The following PPFIA2 variants were observed in gnomAD, a reference collection of about 807,000 sequenced individuals.
The protein encoded by PPFIA2 is PPFI scaffold protein A2.
In PPFIA2, 46 loss-of-function variants were observed where a neutral mutation model predicts 175.5. The observed-to-expected ratio is 0.26, with a 90% confidence interval of 0.21 to 0.34. PPFIA2 has a LOEUF of 0.34. PPFIA2 is among the 10% of genes least tolerant of loss of function. PPFIA2 has a pLI of 1.00. For missense variants in PPFIA2, 1,179 were observed against 1,506.1 expected (o/e 0.78, Z 3.60); for synonymous variants, 568 against 511.4 (o/e 1.11, Z -1.49).
intron 4 of PPFIA2, among the ~76,000 whole-genome samples, chr12:81,551,732 T>A (rs966140757): frequency 1.2e-4 from 18 of 151,946 alleles, no homozygotes; most frequent in Admixed American, 9.9e-4. Flanking sequence ...AACTGTTATT[T>A]TAGAAGTGAT....
chr12:81,495,033 T>C (rs955066368), intron 4 of PPFIA2, among the ~76,000 whole-genome samples: 3 of 151,778 alleles, frequency 2.0e-5, no homozygotes, highest in African/African-American at 7.2e-5. Flanking sequence ...GCATGGCACA[T>C]GTATACATAT....
chr12:81,497,574 T>C (rs1449513406), intron 4 of PPFIA2, among the ~76,000 whole-genome samples: 3 of 148,348 alleles, frequency 2.0e-5, no homozygotes, highest in Non-Finnish European at 4.5e-5. Flanking sequence ...AGTTTTGCTC[T>C]TATTGCCCAG....
intron 11 of PPFIA2, among the ~76,000 whole-genome samples, chr12:81,373,955 T>C (rs772033377): frequency 1.1e-4 from 17 of 152,180 alleles, no homozygotes; most frequent in South Asian, 4.1e-4. Flanking sequence ...ACTTGTGACA[T>C]ATACATACAC....
intron 4 of PPFIA2, among the ~76,000 whole-genome samples, chr12:81,655,491 T>C (rs1017759699): frequency 2.6e-5 from 4 of 151,948 alleles, no homozygotes; most frequent in Non-Finnish European, 5.9e-5. Flanking sequence ...TGTCAATATG[T>C]AGTATCTCAA....
chr12:81,529,830 G>A (rs914799768), intron 4 of PPFIA2, among the ~76,000 whole-genome samples: 1 of 151,876 alleles, frequency 6.6e-6, no homozygotes, highest in Non-Finnish European at 1.5e-5. Flanking sequence ...AGGGTAGAGG[G>A]TGAGAGGTGA....
chr12:81,460,164 C>A (rs938848468), intron 4 of PPFIA2, among the ~76,000 whole-genome samples: 1 of 152,060 alleles, frequency 6.6e-6, no homozygotes. Flanking sequence ...ACAATCCCCA[C>A]GTGTCAAGGG....
At chr12:81,319,521 G>T (rs533554773) in intron 22 of PPFIA2, among the ~76,000 whole-genome samples, 2 of 151,820 alleles carry the variant, frequency 1.3e-5, no homozygotes, top group African/African-American at 4.8e-5. Context: ...GAAAGCATTG[G>T]TTTTAGGTTC....
At chr12:81,597,021 T>G (rs1162074211) in intron 4 of PPFIA2, among the ~76,000 whole-genome samples, 1 of 152,140 alleles carries the variant, frequency 6.6e-6, no homozygotes. Context: ...TGACCACCTT[T>G]ATTATATTAA....
chr12:81,553,995 A>G (rs2068394907), intron 4 of PPFIA2, among the ~76,000 whole-genome samples: 1 of 152,072 alleles, frequency 6.6e-6, no homozygotes, highest in African/African-American at 2.4e-5. Context: ...ATGCTATGGC[A>G]AAAAGAAATT....
intron 19 of PPFIA2, among the ~76,000 whole-genome samples, 189 bp downstream of exon 19, chr12:81,344,475 A>G (rs1022267286): frequency 2.0e-5 from 3 of 151,756 alleles, no homozygotes; most frequent in African/African-American, 7.2e-5. Context: ...TTATTGCTCC[A>G]GAAATCATAA....
intron 5 of PPFIA2, among the ~76,000 whole-genome samples, chr12:81,447,080 C>T (rs1435383385): frequency 5.9e-5 from 9 of 151,974 alleles, no homozygotes; most frequent in Admixed American, 1.3e-4. Context: ...AGGCAGATCA[C>T]GAGGTCAGGA....
intron 4 of PPFIA2, among the ~76,000 whole-genome samples, chr12:81,537,136 T>C (rs1015309048): frequency 4.9e-4 from 74 of 151,690 alleles, no homozygotes; most frequent in African/African-American, 1.6e-3. Flanking sequence ...ATGTATGTTG[T>C]AGGCAAAATG....
In PPFIA2 at chr12:81,295,981, T is replaced by G. The variant is rs568154142; in HGVS notation, c.2725-946A>C. 4.7e-5 allele frequency among the ~76,000 whole-genome samples: 7 copies of G among 149,642 alleles called. No homozygotes were observed. The East Asian group carries it at 1.2e-3, about 26-fold the overall frequency. On this transcript the variant is annotated intron_variant, in intron 23 of 32. Transcript: ENST00000549396. ...CTCCAGGCTGGGGACAGAATGAGACTCTGCCTCAAAACGAAACAAAAGAAA... is the reference window on the plus strand; with the variant it reads ...CTCCAGGCTGGGGACAGAATGAGACGCTGCCTCAAAACGAAACAAAAGAAA...
chr12:81,609,783 T>C (rs966516105), intron 4 of PPFIA2, among the ~76,000 whole-genome samples: 1 of 152,310 alleles, frequency 6.6e-6, no homozygotes, highest in African/African-American at 2.4e-5. Flanking sequence ...TCAAGGTTAA[T>C]ATTGATATGT....
At chr12:81,326,350 C>T (rs942332990) in intron 21 of PPFIA2, among the ~76,000 whole-genome samples, 1 of 152,002 alleles carries the variant, frequency 6.6e-6, no homozygotes, top group African/African-American at 2.4e-5. Flanking sequence ...AATGGAGAAA[C>T]ATTTGCTGAC....
chr12:81,637,236 ATTTTTTTTTTTTTTTTTTTTTT>A (rs71098156), intron 4 of PPFIA2, among the ~76,000 whole-genome samples: 7,163 of 65,726 alleles, frequency 0.11, 837 homozygotes, highest in South Asian at 0.18. Flanking sequence ...CGCCAGGCTA[ATTTTTTTTTTTTTTTTTTTTTT>A]TTTTTTTTTT....
At chr12:81,471,703 T>G (rs2056760288) in intron 4 of PPFIA2, among the ~76,000 whole-genome samples, 1 of 152,164 alleles carries the variant, frequency 6.6e-6, no homozygotes, top group Non-Finnish European at 1.5e-5. Context: ...TATTTTTAAT[T>G]TTTTTGTGAA....
chr12:81,705,871 C>T (rs1370070693), intron 3 of PPFIA2, among the ~76,000 whole-genome samples: 3 of 152,122 alleles, frequency 2.0e-5, no homozygotes, highest in Admixed American at 2.0e-4. Context: ...CACATTAAGT[C>T]ATGTTCTAAA....
intron 17 of PPFIA2, among the ~76,000 whole-genome samples, chr12:81,351,477 T>C (rs577797286): frequency 7.5e-4 from 114 of 152,184 alleles, no homozygotes; most frequent in Non-Finnish European, 8.2e-4. Context: ...TTTTCACTGA[T>C]GTAAGAATAT....
Sources: gnomAD v4.1 joint callset for allele counts (sites outside exome capture counted in the v4.1 genomes callset) on GRCh38, gnomAD v4.1.1 for gene constraint, MANE v1.5 for transcripts, NCBI Gene and HGNC (gene_info 2026-07-23, HGNC 2026-07-21) for gene names.